Variants in RYR2 observed in about 807,000 individuals in gnomAD.
RYR2 encodes cardiac muscle ryanodine receptor-calcium release channel.
Under a neutral mutation model 601.1 loss-of-function variants are expected in RYR2, and 227 were observed. The ratio of observed to expected loss-of-function variants is 0.38; its 90% CI spans 0.34 to 0.42. RYR2 has a LOEUF of 0.42. Among genes scored for constraint, RYR2 ranks in the 10% least tolerant of loss-of-function variants. RYR2 has a pLI of 1.00. For missense variants in RYR2, 4,646 were observed against 6,156.5 expected, an observed-to-expected ratio of 0.75 and a Z score of 8.21; for synonymous variants, 2,223 against 2,175.1, an observed-to-expected ratio of 1.02 and a Z score of -0.61.
Position 237,511,296 on chromosome 1 carries a change from CAAAAAAAAAA to C in RYR2, c.2719-382_2719-373del, listed in dbSNP as rs764004466. Among the ~76,000 whole-genome samples, 5 of 88,246 alleles carry C rather than the reference CAAAAAAAAAA, an allele frequency of 5.7e-5. No homozygotes were observed. The South Asian group carries it at 1.5e-3, about 27-fold the overall frequency. 57.9% of individuals were successfully genotyped at this position (88,246 alleles called of 152,430 possible). On this transcript the variant is annotated intron_variant, in intron 23 of 104. Coordinates refer to ENST00000366574, the MANE Select transcript of RYR2 (RefSeq NM_001035.3). ...CCAATCTGTTAGAAGGTGTATGGACCAAAAAAAAAAAAAAAAAAAGAGTAAGCTGGGCAGG... is the reference window on the plus strand; with the variant it reads ...CCAATCTGTTAGAAGGTGTATGGACCAAAAAAAAAGAGTAAGCTGGGCAGG...
chr1:237,549,043 T>C (rs1343825259), intron 26 of RYR2, among the ~76,000 whole-genome samples: 1 of 152,158 alleles, frequency 6.6e-6, no homozygotes, highest in African/African-American at 2.4e-5. Flanking sequence ...ACAACCTTGG[T>C]AGGGCAAGTG....
intron 23 of RYR2, among the ~76,000 whole-genome samples, chr1:237,507,376 AAAC>A (rs1317347288): frequency 1.2e-4 from 18 of 152,350 alleles, no homozygotes; most frequent in African/African-American, 4.1e-4. Context: ...GATTTAAAAC[AAAC>A]AACTACCTGT....
chr1:237,215,740 A>G (rs2149113586), intron 1 of RYR2, among the ~76,000 whole-genome samples: 1 of 152,312 alleles, frequency 6.6e-6, no homozygotes, highest in African/African-American at 2.4e-5. Flanking sequence ...CATGATAATG[A>G]AAAAGCTTCT....
At chr1:237,822,699 C>T (rs1662646368) in intron 101 of RYR2, among the ~76,000 whole-genome samples, 2 of 152,086 alleles carry the variant, frequency 1.3e-5, no homozygotes, top group South Asian at 4.1e-4. Flanking sequence ...TAAATGTAAA[C>T]AGGCTAAATG....
chr1:237,633,981 G>A (rs1374679178), intron 43 of RYR2, among the ~76,000 whole-genome samples: 1 of 152,058 alleles, frequency 6.6e-6, no homozygotes, highest in Non-Finnish European at 1.5e-5. Context: ...GCGAGGGTGT[G>A]GGGAAAAGGG....
At chr1:237,606,275 C>T (rs1677112915) in intron 35 of RYR2, among the ~76,000 whole-genome samples, 1 of 152,134 alleles carries the variant, frequency 6.6e-6, no homozygotes, top group Non-Finnish European at 1.5e-5. Context: ...ACATCTACAA[C>T]CATCTGATCT....
chr1:237,784,373 A>T lies in RYR2; in HGVS notation c.12661A>T (p.Ser4221Cys). 6.2e-7 allele frequency: 1 copy of T among 1,613,968 alleles called. No homozygotes were observed. The highest frequency in any genetic ancestry group is 8.5e-7 in the Non-Finnish European group (1 of 1,179,870). The change falls in exon 90 of 105, where the codon AGC (serine) becomes TGC (cysteine). Residue 4221 changes from serine (S) to cysteine (C), a missense_variant. Ser to Cys is a moderately radical substitution (Grantham distance 112). Around this residue, in one of 17 missense-constraint regions of RYR2, gnomAD observed 364 missense variants for 442.9 expected, o/e 0.82. Transcript: ENST00000366574. This position sits in a 1 kb window ranked among gnomAD's most constrained non-coding sequence, Gnocchi z 7.1. ...CGAGAGGTCAGCGAATAAGGAAGAA[A>T]GCGAGAAGGAGAGGCCGGAAGAGCA... ...LNERSANKEE[S>C]EKERPEEQGP...
chr1:237,776,813 T>C (rs529957125), intron 87 of RYR2, among the ~76,000 whole-genome samples: 1 of 152,136 alleles, frequency 6.6e-6, no homozygotes, highest in Non-Finnish European at 1.5e-5. Flanking sequence ...TGTATTTTTT[T>C]ATCTAACGTG....
chr1:237,296,433 T>C (rs1179389933), intron 2 of RYR2, among the ~76,000 whole-genome samples: 1 of 152,192 alleles, frequency 6.6e-6, no homozygotes, highest in East Asian at 1.9e-4. Context: ...AGAAATACTT[T>C]GATTCAGAAG....
At chr1:237,769,421 A>G (rs2149305726) in intron 84 of RYR2, among the ~76,000 whole-genome samples, 1 of 152,198 alleles carries the variant, frequency 6.6e-6, no homozygotes, top group East Asian at 1.9e-4. Context: ...TATAACACTT[A>G]AACTTGCCAC....
chr1:237,068,025 A>C (rs1663861480), intron 1 of RYR2, among the ~76,000 whole-genome samples: 1 of 150,178 alleles, frequency 6.7e-6, no homozygotes, highest in Admixed American at 6.6e-5. Context: ...ATTTATCCAG[A>C]ACTTTGATTT....
intron 1 of RYR2, among the ~76,000 whole-genome samples, chr1:237,212,797 C>T (rs770016020): frequency 1.5e-4 from 23 of 150,624 alleles, no homozygotes; most frequent in South Asian, 2.1e-4. Context: ...TTATTTGAGA[C>T]GAAGTCTTGC....
At chr1:237,263,492 A>G (rs1688738279) in intron 1 of RYR2, among the ~76,000 whole-genome samples, 1 of 152,226 alleles carries the variant, frequency 6.6e-6, no homozygotes, top group Non-Finnish European at 1.5e-5. Context: ...TCTGTCTGCA[A>G]GTAACATCAC....
At chr1:237,171,533 A>G (rs527609085) in intron 1 of RYR2, among the ~76,000 whole-genome samples, 1 of 152,132 alleles carries the variant, frequency 6.6e-6, no homozygotes, top group Admixed American at 6.5e-5. Context: ...TTTCCTTACT[A>G]TGTGTTAGAA....
intron 1 of RYR2, among the ~76,000 whole-genome samples, chr1:237,085,779 T>C (rs957675322): frequency 6.6e-6 from 1 of 151,984 alleles, no homozygotes; most frequent in African/African-American, 2.4e-5. Flanking sequence ...AGAGGAGGTG[T>C]CCCTCTGTCA....
chr1:237,072,944 T>C (rs1664552476), intron 1 of RYR2, among the ~76,000 whole-genome samples: 1 of 81,752 alleles, frequency 1.2e-5, no homozygotes, highest in African/African-American at 3.2e-5. Context: ...CGAGACTCCA[T>C]CTCAAAAAAA....
In RYR2 at chr1:237,569,325, TCTA is replaced by T. The variant is rs757703672; in HGVS notation, c.3598+10_3598+12del. The T allele has an allele frequency of 3.7e-6, 6 of 1,612,528 alleles. No individual in the cohort carries two copies. In the East Asian group the frequency reaches 1.3e-4, roughly 36 times the overall value. ...GGACTTTGATGTTGGCGATGGTAAG[TCTA>T]CTATGTTTTGTGTTTTTTTTAAGTT... On this transcript the variant is annotated splice_region_variant and intron_variant, in intron 29 of 104. Coordinates refer to ENST00000366574, the MANE Select transcript of RYR2 (RefSeq NM_001035.3).
In RYR2 at chr1:237,732,158, G is replaced by A. The variant is rs1025012818; in HGVS notation, c.11039+9G>A. On this transcript the variant is annotated intron_variant, in intron 78 of 104. Transcript: ENST00000366574. ...GCTTTAACAGAGAAATGGTATGGTTGGGAGGGTTCCTATGAGACATAGGAG... is the reference window on the plus strand; with the variant it reads ...GCTTTAACAGAGAAATGGTATGGTTAGGAGGGTTCCTATGAGACATAGGAG... 4 of 1,570,534 alleles carry A rather than the reference G, an allele frequency of 2.5e-6. No homozygotes were observed. The highest frequency in any genetic ancestry group is 3.5e-6 in the Non-Finnish European group (4 of 1,142,398).
At chr1:237,060,217 T>G (rs1299167743) in intron 1 of RYR2, among the ~76,000 whole-genome samples, 1 of 152,180 alleles carries the variant, frequency 6.6e-6, no homozygotes, top group African/African-American at 2.4e-5. Context: ...TTACTACCAT[T>G]ATCATGATTA....
Sources: allele counts gnomAD v4.1 joint callset (sites outside exome capture counted in the v4.1 genomes callset), GRCh38; gene constraint gnomAD v4.1.1; regional missense constraint gnomAD v4.1.1; non-coding constraint Gnocchi (gnomAD v3.1); transcripts MANE v1.5; gene names NCBI Gene and HGNC (gene_info 2026-07-23, HGNC 2026-07-21).